Variants in ASIC2 observed in about 807,000 individuals in gnomAD.
ASIC2 encodes acid sensing ion channel subunit 2.
A neutral mutation model predicts 57.3 loss-of-function variants in ASIC2; 25 were observed. That is an observed-to-expected ratio of 0.44 (90% confidence interval 0.32 to 0.61). The LOEUF (loss-of-function observed/expected upper bound fraction) is 0.61, where lower values mean the gene tolerates loss of function less well. Among genes scored for constraint, ASIC2 ranks in the 20% least tolerant of loss-of-function variants. ASIC2 has a pLI of 0.06. For synonymous variants in ASIC2, 319 were observed against 307.5 expected (o/e 1.04, Z -0.39); for missense variants, 641 against 738.1 (o/e 0.87, Z 1.52).
intron 2 of ASIC2, among the ~76,000 whole-genome samples, chr17:33,092,729 G>T (rs755182196): frequency 6.6e-5 from 10 of 152,256 alleles, no homozygotes; most frequent in Admixed American, 1.3e-4. Context: ...ACTCCACCAG[G>T]AGTGTGGTTT....
intron 1 of ASIC2, among the ~76,000 whole-genome samples, chr17:34,056,727 C>T (rs959325632): frequency 6.6e-6 from 1 of 152,216 alleles, no homozygotes; most frequent in African/African-American, 2.4e-5. Flanking sequence ...TCAATTTCAA[C>T]TCCTCTACCA....
At chr17:33,892,287 G>A (rs1178250253) in intron 1 of ASIC2, among the ~76,000 whole-genome samples, 1 of 152,128 alleles carries the variant, frequency 6.6e-6, no homozygotes, top group Non-Finnish European at 1.5e-5. Context: ...TAGGTAAGGC[G>A]GGAAGAAAGG....
intron 1 of ASIC2, among the ~76,000 whole-genome samples, chr17:33,458,593 G>A (rs1280498802): frequency 2.6e-5 from 4 of 152,098 alleles, no homozygotes; most frequent in African/African-American, 4.8e-5. Context: ...TCTGCATAAT[G>A]GGTTGTTGGG....
intron 1 of ASIC2, among the ~76,000 whole-genome samples, chr17:34,135,936 T>C (rs765720626): frequency 2.4e-4 from 37 of 152,114 alleles, no homozygotes; most frequent in Non-Finnish European, 4.4e-4. Context: ...TAGCTCCCTA[T>C]TGCCTGCGTC....
intron 1 of ASIC2, among the ~76,000 whole-genome samples, chr17:33,753,343 G>A (rs1198926682): frequency 6.6e-6 from 1 of 152,158 alleles, no homozygotes; most frequent in East Asian, 1.9e-4. Context: ...GGGGGTGGGA[G>A]TCTTTTTGGC....
intron 1 of ASIC2, among the ~76,000 whole-genome samples, chr17:33,831,496 A>G (rs781651396): frequency 6.6e-6 from 1 of 152,090 alleles, no homozygotes; most frequent in Non-Finnish European, 1.5e-5. Context: ...AGGATTTTCA[A>G]TCATTTCTTT....
At chr17:33,470,207 A>G (rs539967861) in intron 1 of ASIC2, among the ~76,000 whole-genome samples, 19 of 152,322 alleles carry the variant, frequency 1.2e-4, no homozygotes, top group African/African-American at 4.6e-4. Context: ...CCAGGACACC[A>G]TAAACTGTGG....
chr17:33,918,541 C>T (rs904125984), intron 1 of ASIC2, among the ~76,000 whole-genome samples: 1 of 152,128 alleles, frequency 6.6e-6, no homozygotes, highest in African/African-American at 2.4e-5. Context: ...TAAACACATT[C>T]TTCAGGTTCA....
intron 1 of ASIC2, among the ~76,000 whole-genome samples, chr17:33,199,056 A>G (rs1463532932): frequency 6.6e-6 from 1 of 152,240 alleles, no homozygotes; most frequent in Non-Finnish European, 1.5e-5. Context: ...AGGATAAATG[A>G]TAAGTCTGTT....
intron 3 of ASIC2, among the ~76,000 whole-genome samples, chr17:33,039,607 T>C (rs1220618289): frequency 2.0e-5 from 3 of 152,182 alleles, no homozygotes; most frequent in Non-Finnish European, 4.4e-5. Flanking sequence ...AACCCAGATA[T>C]TACCCTTGGC....
intron 1 of ASIC2, among the ~76,000 whole-genome samples, chr17:33,925,189 C>T (rs1915798498): frequency 6.6e-6 from 1 of 152,234 alleles, no homozygotes; most frequent in Non-Finnish European, 1.5e-5. Flanking sequence ...TTGCCTGGTT[C>T]CTTAACCCTT....
chr17:33,026,460 T>C (rs1448268478), intron 4 of ASIC2, among the ~76,000 whole-genome samples: 1 of 152,244 alleles, frequency 6.6e-6, no homozygotes, highest in African/African-American at 2.4e-5. Context: ...ACACCAAGGC[T>C]AGTAGTGATG....
intron 1 of ASIC2, among the ~76,000 whole-genome samples, chr17:33,898,080 G>A (rs1384555536): frequency 6.6e-6 from 1 of 152,092 alleles, no homozygotes; most frequent in Admixed American, 6.6e-5. Context: ...AGGATTCCAA[G>A]CAAGACAATA....
intron 1 of ASIC2, among the ~76,000 whole-genome samples, chr17:33,176,676 A>G (rs890225777): frequency 3.3e-5 from 5 of 152,206 alleles, no homozygotes; most frequent in Non-Finnish European, 7.3e-5. Flanking sequence ...GACTAAAACC[A>G]TTCTTTCATT....
intron 1 of ASIC2, among the ~76,000 whole-genome samples, chr17:33,941,002 A>G (rs997755): frequency 0.041 from 6,306 of 152,334 alleles, 455 homozygotes; most frequent in African/African-American, 0.14. Flanking sequence ...GCGGTGAAGA[A>G]CTATCTAAGT....
chr17:33,921,524 T>C, intron 1 of ASIC2, among the ~76,000 whole-genome samples: 1 of 151,960 alleles, frequency 6.6e-6, no homozygotes, highest in East Asian at 1.9e-4. Flanking sequence ...AGCTGGGACA[T>C]GGGACAGAAG....
intron 1 of ASIC2, among the ~76,000 whole-genome samples, chr17:33,266,240 T>C (rs1465885691): frequency 4.0e-5 from 6 of 151,884 alleles, no homozygotes; most frequent in African/African-American, 1.2e-4. Flanking sequence ...GTTTTTATCC[T>C]CCCCCCATCC....
chr17:34,088,549 C>A (rs1480872365), intron 1 of ASIC2, among the ~76,000 whole-genome samples: 1 of 152,356 alleles, frequency 6.6e-6, no homozygotes, highest in East Asian at 1.9e-4. Flanking sequence ...GCTAGGAGAA[C>A]CACTGCTCTC....
At chr17:34,119,680 CT>C (rs1382037953) in intron 1 of ASIC2, among the ~76,000 whole-genome samples, 1 of 152,042 alleles carries the variant, frequency 6.6e-6, no homozygotes, top group Non-Finnish European at 1.5e-5. Flanking sequence ...CCCACTCCCC[CT>C]CTCTATGAAT....
Sources: gnomAD v4.1 joint callset for allele counts (sites outside exome capture counted in the v4.1 genomes callset) on GRCh38, gnomAD v4.1.1 for gene constraint, MANE v1.5 for transcripts, NCBI Gene and HGNC (gene_info 2026-07-23, HGNC 2026-07-21) for gene names.